The following PRKCB variants were observed in gnomAD, a reference collection of about 807,000 sequenced individuals.
PRKCB encodes protein kinase C beta type.
Under a neutral mutation model 81.5 loss-of-function variants are expected in PRKCB, and 13 were observed. The ratio of observed to expected loss-of-function variants is 0.16; its 90% CI spans 0.10 to 0.25. The LOEUF (loss-of-function observed/expected upper bound fraction) is 0.25. Among genes scored for constraint, PRKCB ranks in the 10% least tolerant of loss-of-function variants. The probability of loss-of-function intolerance (pLI) is 1.00; values close to 1 mark genes in which losing one functional copy is unlikely to be tolerated. For synonymous variants in PRKCB, 335 were observed against 321.4 expected (o/e 1.04, Z -0.45); for missense variants, 509 against 875.7 (o/e 0.58, Z 5.29).
rs914202870 is a variant in PRKCB at position 24,219,328 on chromosome 16, T to G, written c.*4512T>G. The G allele has an allele frequency of 1.9e-5, 18 of 951,534 alleles. No individual in the cohort carries two copies. The African/African-American group carries it at 3.1e-4, about 17-fold the overall frequency. 58.9% of individuals were successfully genotyped at this position (951,534 alleles called of 1,614,324 possible). On this transcript the variant is annotated 3_prime_UTR_variant, in exon 17 of 17. Transcript: ENST00000643927. ...GCTTTGGGTTTTCTCTCTTATAGTT[T>G]GTTGACACATGCTAAAAATGTCTTT...
chr16:23,848,578 C>A (rs1218068389), intron 2 of PRKCB, among the ~76,000 whole-genome samples: 2 of 152,140 alleles, frequency 1.3e-5, no homozygotes, highest in African/African-American at 4.8e-5. Context: ...ATGAATTTTC[C>A]TCTGAAAGGC....
At chr16:23,846,274 CTT>C (rs11343290) in intron 2 of PRKCB, among the ~76,000 whole-genome samples, 3 of 151,710 alleles carry the variant, frequency 2.0e-5, no homozygotes, top group East Asian at 1.9e-4. Flanking sequence ...GTTGAATATT[CTT>C]TTTTTTTAAT....
At chr16:23,990,501 T>C (rs1964871882) in intron 3 of PRKCB, among the ~76,000 whole-genome samples, 2 of 151,788 alleles carry the variant, frequency 1.3e-5, no homozygotes, top group Non-Finnish European at 2.9e-5. Flanking sequence ...TTTTTCTTTT[T>C]TTTTTTAAGC....
intron 9 of PRKCB, among the ~76,000 whole-genome samples, chr16:24,150,877 C>T (rs990487736): frequency 6.6e-6 from 1 of 152,214 alleles, no homozygotes; most frequent in Admixed American, 6.5e-5. Context: ...ATGCCTTATG[C>T]ATGCCCGTTC....
intron 3 of PRKCB, among the ~76,000 whole-genome samples, chr16:24,000,189 C>T (rs1025116927): frequency 6.6e-6 from 1 of 152,198 alleles, no homozygotes; most frequent in South Asian, 2.1e-4. Context: ...TATTGCAGAT[C>T]CTGTTAACCC....
chr16:24,072,403 G>A (rs1489355714), intron 5 of PRKCB, among the ~76,000 whole-genome samples: 1 of 151,904 alleles, frequency 6.6e-6, no homozygotes, highest in East Asian at 1.9e-4. Flanking sequence ...AAGTAGCTGG[G>A]ACTGTAGGCA....
chr16:24,128,565 A>G (rs1454229530), intron 9 of PRKCB, among the ~76,000 whole-genome samples: 1 of 152,204 alleles, frequency 6.6e-6, no homozygotes, highest in African/African-American at 2.4e-5. Flanking sequence ...GTTTTTTTAA[A>G]CAGGCAGAAG....
rs529676987 is a variant in PRKCB, at chr16:24,146,747, G to A, written c.1066-7937G>A. Among the ~76,000 whole-genome samples, 10 of 152,242 alleles carry A rather than the reference G, an allele frequency of 6.6e-5. No homozygotes were observed. The South Asian group carries it at 1.9e-3, about 28-fold the overall frequency. On this transcript the variant is annotated intron_variant, in intron 9 of 16. Coordinates refer to ENST00000643927, the MANE Select transcript of PRKCB (RefSeq NM_002738.7). ...TCACATCTCTCCCAGAAGATTCTTGGGGGAACAGATGTGGCTTGGAATTTG... is the reference window on the plus strand; with the variant it reads ...TCACATCTCTCCCAGAAGATTCTTGAGGGAACAGATGTGGCTTGGAATTTG...
intron 16 of PRKCB, among the ~76,000 whole-genome samples, chr16:24,199,816 C>T (rs1202259494): frequency 6.6e-6 from 1 of 152,178 alleles, no homozygotes; most frequent in Non-Finnish European, 1.5e-5. Flanking sequence ...GGTCCAGCAA[C>T]TAGAAAGCAG....
intron 5 of PRKCB, among the ~76,000 whole-genome samples, chr16:24,042,605 G>A (rs908816410): frequency 1.3e-5 from 2 of 151,836 alleles, no homozygotes; most frequent in African/African-American, 4.8e-5. Context: ...ACATTTCAAA[G>A]TAAACTGCAG....
At chr16:24,030,272 A>T (rs78910213) in intron 3 of PRKCB, among the ~76,000 whole-genome samples, 2,477 of 152,334 alleles carry the variant, frequency 0.016, 21 homozygotes, top group Non-Finnish European at 0.026. Context: ...TGAGGAAAGA[A>T]TCTCTTGAAG....
At chr16:23,944,392 CT>C (rs749218417) in intron 2 of PRKCB, among the ~76,000 whole-genome samples, 76 of 152,068 alleles carry the variant, frequency 5.0e-4, no homozygotes, top group Non-Finnish European at 1.0e-3. Flanking sequence ...ACTTGTTAAA[CT>C]TTTTTAAGTT....
At chr16:23,920,573 A>G (rs980085273) in intron 2 of PRKCB, among the ~76,000 whole-genome samples, 1 of 152,222 alleles carries the variant, frequency 6.6e-6, no homozygotes, top group African/African-American at 2.4e-5. Flanking sequence ...AGAGGGAAGC[A>G]GAGCCCCTGG....
At chr16:24,099,223 C>CTTAT (rs1347942731) in intron 7 of PRKCB, 1 of 152,150 alleles carries the variant, frequency 6.6e-6, no homozygotes, top group Non-Finnish European at 1.5e-5. Context: ...AAAAATAAAG[C>CTTAT]TTATTTCTTT....
chr16:23,928,405 G>T (rs1963925722), intron 2 of PRKCB, among the ~76,000 whole-genome samples: 1 of 152,140 alleles, frequency 6.6e-6, no homozygotes, highest in Admixed American at 6.5e-5. Context: ...TGGGATTACA[G>T]GCATGAGCCA....
chr16:23,990,668 C>T (rs1405265802), intron 3 of PRKCB, among the ~76,000 whole-genome samples: 1 of 152,016 alleles, frequency 6.6e-6, no homozygotes, highest in East Asian at 1.9e-4. Context: ...CCACCTCAGC[C>T]GCCCACGTAG....
At chr16:24,011,485 C>T (rs1303185007) in intron 3 of PRKCB, among the ~76,000 whole-genome samples, 1 of 152,086 alleles carries the variant, frequency 6.6e-6, no homozygotes, top group Non-Finnish European at 1.5e-5. Context: ...TACCTACTAG[C>T]TGTGTATCAT....
intron 16 of PRKCB, among the ~76,000 whole-genome samples, chr16:24,203,600 A>G (rs746319026): frequency 3.3e-5 from 5 of 152,122 alleles, no homozygotes; most frequent in Admixed American, 1.3e-4. Context: ...GCCACTCCCA[A>G]TAGAAATTCC....
At chr16:24,030,338 G>T (rs181966913) in intron 3 of PRKCB, among the ~76,000 whole-genome samples, 2 of 152,150 alleles carry the variant, frequency 1.3e-5, no homozygotes, top group Admixed American at 6.6e-5. Flanking sequence ...GTTTGGGAGC[G>T]GGGGTGCGCT....
Sources: gnomAD v4.1 joint callset for allele counts (sites outside exome capture counted in the v4.1 genomes callset) on GRCh38, gnomAD v4.1.1 for gene constraint, MANE v1.5 for transcripts, NCBI Gene and HGNC (gene_info 2026-07-23, HGNC 2026-07-21) for gene names.